CCDC63: variants seen among roughly 807,000 people sequenced by gnomAD.
CCDC63 encodes coiled-coil domain containing 63.
A neutral mutation model predicts 63.6 loss-of-function variants in CCDC63; 54 were observed. The ratio of observed to expected loss-of-function variants is 0.85; its 90% CI spans 0.68 to 1.07. The LOEUF is 1.07. Ranked by LOEUF, CCDC63 falls within the 50% of genes least tolerant of loss-of-function variation. The probability of loss-of-function intolerance (pLI) is 0.00; values close to 1 mark genes in which losing one functional copy is unlikely to be tolerated. For missense variants in CCDC63, 637 were observed against 689.6 expected, an observed-to-expected ratio of 0.92 and a Z score of 0.86; for synonymous variants, 253 against 266.1, an observed-to-expected ratio of 0.95 and a Z score of 0.48.
At chr12:110,862,242 G>A (rs2070864007) in intron 4 of CCDC63, among the ~76,000 whole-genome samples, 1 of 152,156 alleles carries the variant, frequency 6.6e-6, no homozygotes, top group African/African-American at 2.4e-5. Flanking sequence ...AAGTTTCTGG[G>A]GCTCACTGCC....
At chr12:110,845,231 T>C (rs1310142541), upstream of CCDC63, among the ~76,000 whole-genome samples, 1 of 152,216 alleles carries the variant, frequency 6.6e-6, no homozygotes, top group African/African-American at 2.4e-5. Context: ...TTAATCATTT[T>C]TCAGTCGTTG....
intron 3 of CCDC63, among the ~76,000 whole-genome samples, chr12:110,857,188 G>A (rs2070784044): frequency 1.3e-5 from 2 of 151,078 alleles, no homozygotes; most frequent in Non-Finnish European, 2.9e-5. Context: ...GTGCAGTGGC[G>A]CGATCGCAAC....
intron 9 of CCDC63, among the ~76,000 whole-genome samples, chr12:110,896,312 A>G (rs574911232): frequency 4.6e-5 from 7 of 151,964 alleles, no homozygotes; most frequent in Non-Finnish European, 1.0e-4. Context: ...GGCCTAATGC[A>G]TCTTTAGAAA....
intron 4 of CCDC63, among the ~76,000 whole-genome samples, chr12:110,865,999 A>C (rs2070942153): frequency 6.6e-6 from 1 of 152,080 alleles, no homozygotes; most frequent in Admixed American, 6.6e-5. Context: ...TATATGTGAG[A>C]CAGAGTCTCC....
intron 4 of CCDC63, among the ~76,000 whole-genome samples, chr12:110,862,431 A>G (rs1055949343): frequency 6.6e-6 from 1 of 152,264 alleles, no homozygotes; most frequent in Non-Finnish European, 1.5e-5. Flanking sequence ...ATGGGAAGAC[A>G]GCATCTTGCT....
chr12:110,904,179 A>G (rs1342531479), intron 10 of CCDC63, among the ~76,000 whole-genome samples: 1 of 151,958 alleles, frequency 6.6e-6, no homozygotes, highest in Non-Finnish European at 1.5e-5. Flanking sequence ...CAGTGTCTAT[A>G]AAAAATACAA....
chr12:110,890,142 A>G (rs1029346782), intron 8 of CCDC63, among the ~76,000 whole-genome samples: 4 of 152,070 alleles, frequency 2.6e-5, no homozygotes, highest in African/African-American at 9.7e-5. Flanking sequence ...AAAATACAAG[A>G]CACAAAAAGA....
At chr12:110,886,860 G>C (rs1412308728) in intron 8 of CCDC63, among the ~76,000 whole-genome samples, 2 of 152,154 alleles carry the variant, frequency 1.3e-5, no homozygotes, top group African/African-American at 4.8e-5. Flanking sequence ...TCCTGGACAA[G>C]GGTCCAGGAC....
At chr12:110,878,642 A>G (rs887121525) in intron 5 of CCDC63, among the ~76,000 whole-genome samples, 7 of 152,168 alleles carry the variant, frequency 4.6e-5, no homozygotes, top group African/African-American at 1.4e-4. Context: ...TTCATCTGTC[A>G]GTGAATACTT....
chr12:110,888,348 A>C (rs892421035), intron 8 of CCDC63, among the ~76,000 whole-genome samples: 9 of 152,196 alleles, frequency 5.9e-5, no homozygotes, highest in Non-Finnish European at 1.5e-5. Context: ...GACCTGATAG[A>C]AAATATTCCT....
chr12:110,899,842 T>C (rs1315457838), intron 10 of CCDC63, among the ~76,000 whole-genome samples: 1 of 152,086 alleles, frequency 6.6e-6, no homozygotes, highest in African/African-American at 2.4e-5. Flanking sequence ...CCATTCATGA[T>C]TTTAAAAAAG....
chr12:110,873,865 C>T lies in CCDC63; in HGVS notation c.393C>T (p.Ile131=), dbSNP rs539797119. ...AGATTCTTCAGATGGAAAAAAAAAT[C>T]GCAAACCAAAAACAGATTTTCGCAA... ...DEKILQMEKK[I]ANQKQIFAKM... The change falls in exon 5 of 12, where the codon ATC becomes ATT. Residue 131 remains isoleucine (I), a synonymous_variant. Coordinates refer to ENST00000308208, the MANE Select transcript of CCDC63 (RefSeq NM_152591.3). 730 of 1,612,698 alleles carry T rather than the reference C, an allele frequency of 4.5e-4. 4 individuals carry two copies. The South Asian group carries it at 6.0e-3, about 13-fold the overall frequency.
chr12:110,866,958 C>CT (rs2070960668), intron 4 of CCDC63, among the ~76,000 whole-genome samples: 3 of 130,668 alleles, frequency 2.3e-5, no homozygotes, highest in East Asian at 2.4e-4. Flanking sequence ...CTGACCCCCC[C>CT]ACCTCCCTCC....
intron 9 of CCDC63, among the ~76,000 whole-genome samples, chr12:110,898,309 T>TA (rs1338892950): frequency 6.6e-5 from 10 of 150,484 alleles, no homozygotes; most frequent in Non-Finnish European, 1.5e-4. Flanking sequence ...AAATAAAAAT[T>TA]AAAGAGTCAA....
intron 8 of CCDC63, among the ~76,000 whole-genome samples, chr12:110,885,803 G>A (rs1161950405): frequency 1.3e-5 from 2 of 152,200 alleles, no homozygotes; most frequent in Non-Finnish European, 2.9e-5. Context: ...TGTGGGGCAT[G>A]CACGCTGGCC....
At chr12:110,886,980 A>G (rs2071290426) in intron 8 of CCDC63, among the ~76,000 whole-genome samples, 1 of 152,188 alleles carries the variant, frequency 6.6e-6, no homozygotes, top group Non-Finnish European at 1.5e-5. Flanking sequence ...CACAAGGACA[A>G]GTGCAGGTGC....
At chr12:110,864,427 A>C (rs1566120166) in intron 4 of CCDC63, among the ~76,000 whole-genome samples, 1 of 143,450 alleles carries the variant, frequency 7.0e-6, no homozygotes, top group African/African-American at 2.6e-5. Context: ...CTGTCTTAAA[A>C]AAAAAAAAAA....
intron 1 of CCDC63, 31 bp from the exon 2 acceptor site, chr12:110,852,828 C>T (rs1384019287): frequency 6.7e-7 from 1 of 1,494,420 alleles, no homozygotes; most frequent in Non-Finnish European, 9.3e-7. Context: ...GGGTGGCTTA[C>T]AAGTTCTCTT....
chr12:110,899,777 G>A (rs1027910235), intron 10 of CCDC63, among the ~76,000 whole-genome samples: 5 of 150,834 alleles, frequency 3.3e-5, no homozygotes, highest in Non-Finnish European at 7.4e-5. Flanking sequence ...AGTTATTAGA[G>A]AAAAATGATA....
Sources: allele counts gnomAD v4.1 joint callset (sites outside exome capture counted in the v4.1 genomes callset), GRCh38; gene constraint gnomAD v4.1.1; transcripts MANE v1.5; gene names NCBI Gene and HGNC (gene_info 2026-07-23, HGNC 2026-07-21).